The following GHR variants were observed in gnomAD, a reference collection of about 807,000 sequenced individuals.
GHR encodes GH receptor.
Under a neutral mutation model 67.1 loss-of-function variants are expected in GHR, and 35 were observed. The observed-to-expected ratio is 0.52, with a 90% CI of 0.40 to 0.69. The LOEUF (loss-of-function observed/expected upper bound fraction) is 0.69. GHR is among the 30% of genes least tolerant of loss of function. GHR has a pLI of 0.00. For synonymous variants in GHR, 272 were observed against 269.1 expected (o/e 1.01, Z -0.10); for missense variants, 792 against 764.6 (o/e 1.04, Z -0.42).
chr5:42,466,287 G>T (rs1455745993), intron 1 of GHR, among the ~76,000 whole-genome samples: 1 of 152,072 alleles, frequency 6.6e-6, no homozygotes, highest in Non-Finnish European at 1.5e-5. Context: ...AGGTTCAGGG[G>T]GTATAGACAG....
chr5:42,526,175 C>T (rs1342420669), intron 1 of GHR, among the ~76,000 whole-genome samples: 2 of 151,288 alleles, frequency 1.3e-5, no homozygotes, highest in Non-Finnish European at 2.9e-5. Context: ...CCAGTGAATA[C>T]ATAAGTTATT....
chr5:42,438,265 A>C (rs1287464629), intron 1 of GHR, among the ~76,000 whole-genome samples: 1 of 152,200 alleles, frequency 6.6e-6, no homozygotes, highest in Non-Finnish European at 1.5e-5. Context: ...TAATTTGTTC[A>C]AGAACCCACA....
chr5:42,674,484 G>C (rs202003319), intron 3 of GHR, among the ~76,000 whole-genome samples: 1 of 152,026 alleles, frequency 6.6e-6, no homozygotes, highest in Non-Finnish European at 1.5e-5. Context: ...ATGGAACCCT[G>C]TACCCATTAG....
intron 2 of GHR, among the ~76,000 whole-genome samples, chr5:42,579,140 TGATAGATAGATATAGATAGATAG>T (rs1561138977): frequency 0.018 from 1,073 of 59,298 alleles, 9 homozygotes; most frequent in Admixed American, 0.028. Context: ...GATAGATAGA[TGATAGATAGATATAGATAGATAG>T]ATAGATAGAT....
Position 42,718,324 on chromosome 5 carries a change from T to C in GHR, c.946-129T>C. 1.3e-5 allele frequency: 10 copies of C among 761,608 alleles called. No individual in the cohort carries two copies. In the South Asian group the frequency reaches 1.4e-4, roughly 11 times the overall value. 47.2% of individuals were successfully genotyped at this position (761,608 alleles called of 1,614,324 possible). A position where few individuals can be genotyped will look rare whatever the true frequency, so the allele number is the denominator to read the frequency against. On this transcript the variant is annotated intron_variant, in intron 9 of 9. Coordinates refer to ENST00000230882, the MANE Select transcript of GHR (RefSeq NM_000163.5). ...ATTTAAAAAGTTACACACTAATTTA[T>C]GTTTTTTTATATGTTTTGTTACTGT...
chr5:42,589,541 A>G lies in GHR; in HGVS notation c.70+23597A>G, dbSNP rs149313574. On this transcript the variant is annotated intron_variant, in intron 2 of 9. Coordinates refer to ENST00000230882, the MANE Select transcript of GHR (RefSeq NM_000163.5). ...CAGACAAAATTTACCTCAGCTTATA[A>G]CTTTATCTTTTAAGTGGAAAAACTC... Among the ~76,000 whole-genome samples the G allele has an allele frequency of 3.8e-3, 574 of 152,262 alleles. 4 individuals are homozygous for G. Among genetic ancestry groups the G allele is most frequent in the African/African-American group, 0.013 (550 of 41,542 alleles).
chr5:42,526,515 T>C (rs1367131280), intron 1 of GHR, among the ~76,000 whole-genome samples: 1 of 152,204 alleles, frequency 6.6e-6, no homozygotes, highest in Admixed American at 6.5e-5. Context: ...ATTTTCAGTA[T>C]AGATAAAATA....
At chr5:42,637,078 G>C (rs1754232868) in intron 3 of GHR, among the ~76,000 whole-genome samples, 1 of 151,958 alleles carries the variant, frequency 6.6e-6, no homozygotes, top group Admixed American at 6.6e-5. Context: ...TTAAACCAAG[G>C]GTTGGCAAAC....
chr5:42,671,879 C>G (rs1442953723), intron 3 of GHR, among the ~76,000 whole-genome samples: 16 of 149,810 alleles, frequency 1.1e-4, no homozygotes, highest in Admixed American at 4.0e-4. Context: ...TGGCGTGAAC[C>G]CGGGAGGCGG....
In GHR at chr5:42,719,637, A is replaced by G; in HGVS notation, c.*213A>G. 3.5e-6 allele frequency: 2 copies of G among 568,270 alleles called. No homozygotes were observed. Among genetic ancestry groups the G allele is most frequent in the Non-Finnish European group, 6.3e-6 (2 of 315,756 alleles). The allele number at this position is 568,270 out of a possible 1,614,324, so 35.2% of individuals were successfully genotyped here. On this transcript the variant is annotated 3_prime_UTR_variant, in exon 10 of 10. Transcript: ENST00000230882. ...TAGATATTCCTATTGTGCAATGTAA[A>G]TATTTTAAAGAATTGTGTCAGACTG...
intron 1 of GHR, among the ~76,000 whole-genome samples, chr5:42,455,041 G>C (rs1306905728): frequency 6.6e-6 from 1 of 152,128 alleles, no homozygotes; most frequent in Non-Finnish European, 1.5e-5. Context: ...GTTTGAGCTG[G>C]AGACTGGGAG....
intron 5 of GHR, among the ~76,000 whole-genome samples, chr5:42,697,573 AAAGTAGGAG>A (rs1465523461): frequency 6.6e-6 from 1 of 152,122 alleles, no homozygotes; most frequent in Non-Finnish European, 1.5e-5. Flanking sequence ...GAAAGATCTC[AAAGTAGGAG>A]CATGCTTTTC....
chr5:42,478,776 G>A (rs940242960), intron 1 of GHR, among the ~76,000 whole-genome samples: 2 of 152,196 alleles, frequency 1.3e-5, no homozygotes, highest in Non-Finnish European at 2.9e-5. Context: ...AGCTTGAGGA[G>A]ATTTTGGGCT....
At chr5:42,523,454 A>G (rs1456511632) in intron 1 of GHR, among the ~76,000 whole-genome samples, 1 of 152,028 alleles carries the variant, frequency 6.6e-6, no homozygotes, top group Non-Finnish European at 1.5e-5. Context: ...CAATGTTTCA[A>G]ACTTTTTTAT....
intron 1 of GHR, among the ~76,000 whole-genome samples, chr5:42,534,219 T>G (rs1314567346): frequency 1.6e-5 from 2 of 121,906 alleles, no homozygotes; most frequent in African/African-American, 8.0e-5. Context: ...TATATGTATA[T>G]ATGTACATGT....
At chr5:42,663,948 A>G (rs1328588931) in intron 3 of GHR, among the ~76,000 whole-genome samples, 1 of 152,188 alleles carries the variant, frequency 6.6e-6, no homozygotes, top group Non-Finnish European at 1.5e-5. Context: ...TTATACACCA[A>G]TAACAGACAA....
intron 3 of GHR, among the ~76,000 whole-genome samples, chr5:42,677,627 A>T (rs1756635304): frequency 6.6e-6 from 1 of 152,206 alleles, no homozygotes; most frequent in African/African-American, 2.4e-5. Flanking sequence ...GAACCTCTCA[A>T]CCCGCAACCA....
At chr5:42,470,211 A>G (rs1266918425) in intron 1 of GHR, among the ~76,000 whole-genome samples, 1 of 147,758 alleles carries the variant, frequency 6.8e-6, no homozygotes, top group East Asian at 1.9e-4. Flanking sequence ...CTATAACATA[A>G]TATATTATAT....
At chr5:42,600,023 G>A (rs942146185) in intron 2 of GHR, among the ~76,000 whole-genome samples, 22 of 152,186 alleles carry the variant, frequency 1.4e-4, no homozygotes, top group African/African-American at 5.3e-4. Context: ...TACCAGAACA[G>A]AGTCCTGGAG....
Sources: allele counts gnomAD v4.1 joint callset (sites outside exome capture counted in the v4.1 genomes callset), GRCh38; gene constraint gnomAD v4.1.1; transcripts MANE v1.5; gene names NCBI Gene and HGNC (gene_info 2026-07-23, HGNC 2026-07-21).